BFSP2: variants seen among roughly 807,000 people sequenced by gnomAD.
BFSP2 encodes phakinin.
Under a neutral mutation model 44.9 loss-of-function variants are expected in BFSP2, and 38 were observed. The ratio of observed to expected loss-of-function variants is 0.85; its 90% CI spans 0.65 to 1.11. The LOEUF (loss-of-function observed/expected upper bound fraction) is 1.11. BFSP2 is among the 50% of genes least tolerant of loss of function. The pLI is 0.00. For missense variants in BFSP2, 525 were observed against 533.0 expected (o/e 0.99, Z 0.15); for synonymous variants, 197 against 209.9 (o/e 0.94, Z 0.53).
At chr3:133,402,060 C>A (rs2073366890) in intron 1 of BFSP2, among the ~76,000 whole-genome samples, 1 of 152,172 alleles carries the variant, frequency 6.6e-6, no homozygotes, top group African/African-American at 2.4e-5. Context: ...GGCAGCCATT[C>A]CTCCAGGATT....
At chr3:133,452,683 T>C (rs2073976507) in intron 4 of BFSP2, among the ~76,000 whole-genome samples, 1 of 152,142 alleles carries the variant, frequency 6.6e-6, no homozygotes, top group Admixed American at 6.5e-5. Flanking sequence ...AGCTCCATAG[T>C]TCAACTCTCC....
At chr3:133,427,873 C>T (rs1297510507) in intron 1 of BFSP2, among the ~76,000 whole-genome samples, 1 of 152,192 alleles carries the variant, frequency 6.6e-6, no homozygotes, top group Non-Finnish European at 1.5e-5. Flanking sequence ...TGAGCACATA[C>T]TATATGCCAG....
intron 1 of BFSP2, among the ~76,000 whole-genome samples, chr3:133,419,103 C>T (rs191383596): frequency 9.2e-5 from 14 of 152,184 alleles, no homozygotes; most frequent in Non-Finnish European, 1.6e-4. Context: ...ATCTTCACCC[C>T]GTGTCCTCAC....
intron 1 of BFSP2, among the ~76,000 whole-genome samples, chr3:133,422,161 G>C (rs1377933140): frequency 2.7e-5 from 4 of 150,764 alleles, no homozygotes; most frequent in Admixed American, 1.3e-4. Context: ...TGGGCTATTG[G>C]GGTCCAGAAA....
intron 1 of BFSP2, among the ~76,000 whole-genome samples, chr3:133,443,880 T>A (rs1226608379): frequency 1.3e-5 from 2 of 152,112 alleles, no homozygotes; most frequent in Admixed American, 6.5e-5. Flanking sequence ...TGGGCCCAAA[T>A]GATAACCTTT....
At chr3:133,464,370 C>CTCAA (rs2074090422) in intron 4 of BFSP2, among the ~76,000 whole-genome samples, 1 of 152,216 alleles carries the variant, frequency 6.6e-6, no homozygotes, top group Admixed American at 6.5e-5. Context: ...GAGCAAATAA[C>CTCAA]TCAATCTCCC....
intron 1 of BFSP2, chr3:133,410,558 C>G (rs1174602616): frequency 7.2e-6 from 2 of 276,830 alleles, no homozygotes; most frequent in African/African-American, 4.6e-5. Flanking sequence ...CTAATGCAAA[C>G]GGGGATTCTC....
intron 4 of BFSP2, among the ~76,000 whole-genome samples, chr3:133,464,042 T>C (rs1027821278): frequency 6.6e-6 from 1 of 152,190 alleles, no homozygotes; most frequent in African/African-American, 2.4e-5. Flanking sequence ...CGCCACCCTC[T>C]GTAGCTACAT....
chr3:133,467,280 A>C (rs1444427659), intron 5 of BFSP2, among the ~76,000 whole-genome samples: 1 of 152,206 alleles, frequency 6.6e-6, no homozygotes, highest in Non-Finnish European at 1.5e-5. Context: ...CACCTGGCCC[A>C]GAAGGTTAGG....
intron 4 of BFSP2, among the ~76,000 whole-genome samples, chr3:133,465,816 C>A (rs2074103861): frequency 6.6e-6 from 1 of 152,088 alleles, no homozygotes; most frequent in South Asian, 2.1e-4. Flanking sequence ...AAATATATAC[C>A]CTTTCTAATC....
intron 1 of BFSP2, chr3:133,445,548 T>C (rs1013930275): frequency 1.3e-5 from 2 of 152,336 alleles, no homozygotes; most frequent in Middle Eastern, 3.4e-3. Flanking sequence ...TTCACATCCA[T>C]GGGTTCCACA....
At chr3:133,422,888 C>G (rs190680532) in intron 1 of BFSP2, among the ~76,000 whole-genome samples, 305 of 151,810 alleles carry the variant, frequency 2.0e-3, no homozygotes, top group Middle Eastern at 3.4e-3. Flanking sequence ...CAGATTAAAC[C>G]AATGAACAGC....
intron 6 of BFSP2, 94 bp from the exon 7 acceptor site, chr3:133,474,875 T>G: frequency 6.6e-7 from 1 of 1,510,706 alleles, no homozygotes; most frequent in Non-Finnish European, 9.2e-7. Context: ...GCCAGATTCT[T>G]TCATGAGATG....
intron 1 of BFSP2, among the ~76,000 whole-genome samples, chr3:133,423,041 T>C (rs2073607195): frequency 6.6e-6 from 1 of 152,174 alleles, no homozygotes; most frequent in Non-Finnish European, 1.5e-5. Flanking sequence ...TTTGTTACAC[T>C]GAAAATCCTA....
rs78236461 is a variant in BFSP2 at position 133,454,030 on chromosome 3, T to C, written c.891+3566T>C. On this transcript the variant is annotated intron_variant, in intron 4 of 6. Transcript: ENST00000302334. Reference sequence around the variant, plus strand: ...TGGTCCAGAGAATTTCTGGAGGGTCTTAAAGTCTAGTTCTTCCTTGTCTAT... The same window carrying C: ...TGGTCCAGAGAATTTCTGGAGGGTCCTAAAGTCTAGTTCTTCCTTGTCTAT... Among the ~76,000 whole-genome samples the C allele has an allele frequency of 2.9e-3, 441 of 152,314 alleles. 4 individuals are homozygous for C. Among genetic ancestry groups the C allele is most frequent in the African/African-American group, 0.01 (417 of 41,566 alleles).
At chr3:133,415,816 T>TTCACCCCTGCCCTCTTCCCTCTAC (rs1559960048) in intron 1 of BFSP2, among the ~76,000 whole-genome samples, 1 of 78,050 alleles carries the variant, frequency 1.3e-5, no homozygotes, top group Non-Finnish European at 2.7e-5. Flanking sequence ...CTCCCCTCTA[T>TTCACCCCTGCCCTCTTCCCTCTAC]TCACCCCTGC....
intron 1 of BFSP2, among the ~76,000 whole-genome samples, chr3:133,443,182 G>A (rs536095732): frequency 2.6e-5 from 4 of 152,198 alleles, no homozygotes; most frequent in South Asian, 2.1e-4. Flanking sequence ...ATTTTCATTC[G>A]GGGACATGTT....
At chr3:133,428,084 C>G (rs927867588) in intron 1 of BFSP2, among the ~76,000 whole-genome samples, 1 of 152,118 alleles carries the variant, frequency 6.6e-6, no homozygotes, top group South Asian at 2.1e-4. Context: ...TCTGTATGCC[C>G]GGGTCCACTC....
chr3:133,417,564 TCTC>T (rs1474705814), intron 1 of BFSP2, among the ~76,000 whole-genome samples: 1 of 120,130 alleles, frequency 8.3e-6, no homozygotes, highest in Non-Finnish European at 1.7e-5. Flanking sequence ...TCCCTTCTAC[TCTC>T]CTCTCTACTC....
Sources: gnomAD v4.1 joint callset for allele counts (sites outside exome capture counted in the v4.1 genomes callset) on GRCh38, gnomAD v4.1.1 for gene constraint, MANE v1.5 for transcripts, NCBI Gene and HGNC (gene_info 2026-07-23, HGNC 2026-07-21) for gene names.